Variants in PRELID2 observed in about 807,000 individuals in gnomAD.
PRELID2 encodes PRELI domain-containing protein 2.
Under a neutral mutation model 28.4 loss-of-function variants are expected in PRELID2, and 25 were observed. The ratio of observed to expected loss-of-function variants is 0.88; its 90% CI spans 0.64 to 1.23. The LOEUF (loss-of-function observed/expected upper bound fraction) is 1.23, where lower values mean the gene tolerates loss of function less well. Among genes scored for constraint, PRELID2 ranks in the 50% most tolerant of loss-of-function variants. The probability of loss-of-function intolerance (pLI) is 0.00; values close to 1 mark genes in which losing one functional copy is unlikely to be tolerated. For synonymous variants in PRELID2, 76 were observed against 71.6 expected, an observed-to-expected ratio of 1.06 and a Z score of -0.31; for missense variants, 201 against 214.4, an observed-to-expected ratio of 0.94 and a Z score of 0.39.
At chr5:145,652,628 G>C (rs553600306) in intron 1 of PRELID2, among the ~76,000 whole-genome samples, 22 of 152,316 alleles carry the variant, frequency 1.4e-4, no homozygotes, top group Middle Eastern at 3.4e-3. Flanking sequence ...TTTCAACCCA[G>C]AATTTCATAT....
chr5:145,834,877 C>T (rs1305349617), intron 1 of PRELID2: 3 of 335,306 alleles, frequency 8.9e-6, no homozygotes, highest in African/African-American at 6.4e-5. Flanking sequence ...AAGCTCCACA[C>T]GTCGGTCATC....
chr5:145,697,054 TATATATATATATATATATATATATATAC>T (rs1328322793), intron 1 of PRELID2, among the ~76,000 whole-genome samples: 4 of 118,108 alleles, frequency 3.4e-5, no homozygotes, highest in African/African-American at 1.6e-4. Context: ...TATATATATA[TATATATATATATATATATATATATATAC>T]ACACACACAC....
Position 145,791,631 on chromosome 5 carries a change from CAA to C in PRELID2, c.474+4809_474+4810del, listed in dbSNP as rs1375852028. Reference sequence around the variant, plus strand: ...AGGAGTTCCTGTTTGGGAAGAGAAACAAAGTTCTGGAGATGGATGATGGTGAC... The same window carrying C: ...AGGAGTTCCTGTTTGGGAAGAGAAACAGTTCTGGAGATGGATGATGGTGAC... On this transcript the variant is annotated intron_variant, in intron 5 of 6. Coordinates refer to ENST00000683046, the MANE Select transcript of PRELID2 (RefSeq NM_205846.3). Among the ~76,000 whole-genome samples, 5 of 152,168 alleles carry C rather than the reference CAA, an allele frequency of 3.3e-5. No homozygotes were observed. In the East Asian group the frequency reaches 9.7e-4, roughly 29 times the overall value.
At chr5:145,279,538 CA>C in the PRELID2 span, among the ~76,000 whole-genome samples, 1 of 152,260 alleles carries the variant, frequency 6.6e-6, no homozygotes, top group East Asian at 1.9e-4. Flanking sequence ...TTTAAATACA[CA>C]AACCATTTAG....
At chr5:145,374,112 G>C in the PRELID2 span, among the ~76,000 whole-genome samples, 1 of 151,272 alleles carries the variant, frequency 6.6e-6, no homozygotes, top group South Asian at 2.1e-4. Flanking sequence ...TTTTTGCAAG[G>C]GCTGGTACTG....
At chr5:145,335,151 C>G in the PRELID2 span, among the ~76,000 whole-genome samples, 4 of 151,476 alleles carry the variant, frequency 2.6e-5, no homozygotes, top group South Asian at 8.3e-4. Flanking sequence ...CTGTCTTCAC[C>G]TTCCTTCACT....
the PRELID2 span, among the ~76,000 whole-genome samples, chr5:145,342,004 C>T: frequency 2.6e-5 from 4 of 152,110 alleles, no homozygotes; most frequent in Admixed American, 2.6e-4. Context: ...CTAAAAACAG[C>T]AAGAGAAAAG....
chr5:145,760,895 A>G (rs1056011264), intron 6 of PRELID2, among the ~76,000 whole-genome samples: 9 of 152,254 alleles, frequency 5.9e-5, no homozygotes, highest in Non-Finnish European at 1.3e-4. Flanking sequence ...AATGACAGGA[A>G]ATCAAAAATC....
At chr5:145,242,709 C>A in the PRELID2 span, among the ~76,000 whole-genome samples, 1 of 152,018 alleles carries the variant, frequency 6.6e-6, no homozygotes, top group Admixed American at 6.6e-5. Context: ...TAGAAAAGAA[C>A]AACTAAATAA....
chr5:145,676,967 T>C (rs1362478161), intron 1 of PRELID2, among the ~76,000 whole-genome samples: 1 of 152,088 alleles, frequency 6.6e-6, no homozygotes, highest in Non-Finnish European at 1.5e-5. Flanking sequence ...AATTAAAATA[T>C]ATGAGTCTTA....
At chr5:145,670,776 T>C (rs949821605) in intron 1 of PRELID2, among the ~76,000 whole-genome samples, 3 of 152,202 alleles carry the variant, frequency 2.0e-5, no homozygotes, top group African/African-American at 4.8e-5. Context: ...CCAGGATCTT[T>C]ATAACTGATG....
chr5:145,716,163 AC>A (rs754242088), intron 1 of PRELID2, among the ~76,000 whole-genome samples: 4 of 152,098 alleles, frequency 2.6e-5, no homozygotes, highest in Admixed American at 1.3e-4. Flanking sequence ...AAGATTGGAC[AC>A]CCCTGGTCTA....
chr5:145,726,877 A>C (rs1268412961), intron 1 of PRELID2, among the ~76,000 whole-genome samples: 1 of 152,136 alleles, frequency 6.6e-6, no homozygotes, highest in East Asian at 1.9e-4. Flanking sequence ...CTAGCTCTTG[A>C]AGCTTCTGTC....
At chr5:145,730,281 C>A (rs1756301069) in intron 1 of PRELID2, among the ~76,000 whole-genome samples, 1 of 152,150 alleles carries the variant, frequency 6.6e-6, no homozygotes, top group Non-Finnish European at 1.5e-5. Flanking sequence ...TTTCTCCCAA[C>A]ACACTGGCCA....
At chr5:145,370,388 C>T in the PRELID2 span, among the ~76,000 whole-genome samples, 1 of 151,924 alleles carries the variant, frequency 6.6e-6, no homozygotes, top group Non-Finnish European at 1.5e-5. Context: ...AGATCCTTTC[C>T]CCATTGCTGG....
the PRELID2 span, among the ~76,000 whole-genome samples, chr5:145,287,916 T>C: frequency 6.6e-6 from 1 of 152,210 alleles, no homozygotes; most frequent in Non-Finnish European, 1.5e-5. Context: ...TTGACTGTTT[T>C]AAGGAGTAGT....
intron 1 of PRELID2, among the ~76,000 whole-genome samples, chr5:145,481,544 T>G (rs772038280): frequency 6.9e-6 from 1 of 144,792 alleles, no homozygotes; most frequent in Non-Finnish European, 1.5e-5. Context: ...CTGGTCCAAA[T>G]TAGCTGTCCC....
At chr5:145,381,691 T>C in the PRELID2 span, 1 of 152,418 alleles carries the variant, frequency 6.6e-6, no homozygotes, top group Non-Finnish European at 1.5e-5. Context: ...CAGAAGTAAA[T>C]GCTATGATCC....
At chr5:145,380,888 G>A in the PRELID2 span, among the ~76,000 whole-genome samples, 29 of 152,106 alleles carry the variant, frequency 1.9e-4, no homozygotes, top group South Asian at 4.1e-4. Flanking sequence ...AAATCCAATC[G>A]GTGACCTAAA....
Sources: gnomAD v4.1 joint callset for allele counts (sites outside exome capture counted in the v4.1 genomes callset) on GRCh38, gnomAD v4.1.1 for gene constraint, MANE v1.5 for transcripts, NCBI Gene and HGNC (gene_info 2026-07-23, HGNC 2026-07-21) for gene names.